The following MIEF2 variants were observed in gnomAD, a reference collection of about 807,000 sequenced individuals.
MIEF2 encodes the protein mitochondrial elongation factor 2.
A neutral mutation model predicts 7.4 loss-of-function variants in MIEF2; 1 was observed. That is an observed-to-expected ratio of 0.14 (90% CI 0.05 to 0.64). The LOEUF is 0.64. Ranked by LOEUF, MIEF2 falls within the 30% of genes least tolerant of loss-of-function variation. The pLI is 0.85. For missense variants in MIEF2, 569 were observed against 623.9 expected (o/e 0.91, Z 0.94); for synonymous variants, 275 against 290.5 (o/e 0.95, Z 0.54).
At chr17:18,262,245 T>C (rs1185996098) in intron 1 of MIEF2, among the ~76,000 whole-genome samples, 1 of 152,160 alleles carries the variant, frequency 6.6e-6, no homozygotes, top group Non-Finnish European at 1.5e-5. Flanking sequence ...TTGGAGACCT[T>C]ACCACTCACT....
At chr17:18,262,980 C>G in intron 2 of MIEF2, 106 bp from the exon 3 acceptor site, 2 of 1,546,232 alleles carry the variant, frequency 1.3e-6, no homozygotes, top group East Asian at 2.3e-5. Flanking sequence ...TTCATGGGAG[C>G]CCAGGGCACC....
chr17:18,262,412 G>T (rs1229429336), intron 1 of MIEF2, among the ~76,000 whole-genome samples: 3 of 152,168 alleles, frequency 2.0e-5, no homozygotes, highest in African/African-American at 7.2e-5. Flanking sequence ...AGGCAGCTTT[G>T]GGAGAAGGGG....
At chr17:18,261,109 A>G (rs1978389970) in intron 1 of MIEF2, 11 of 1,551,356 alleles carry the variant, frequency 7.1e-6, no homozygotes, top group Non-Finnish European at 9.6e-6. Context: ...AAGGCTGTGG[A>G]CTGAGGCCTG....
chr17:18,264,102 C>G lies in MIEF2; in HGVS notation c.703C>G (p.Arg235Gly), dbSNP rs747845745. ...VRRTQLEFCP[R>G]GSSPWDRFLV... ...CAGGACGCAGCTTGAGTTCTGCCCC[C>G]GTGGGAGCAGCCCCTGGGACCGCTT... is the stretch of plus-strand genomic sequence containing the variant. The change falls in exon 4 of 4, where the codon CGT (arginine) becomes GGT (glycine). Residue 235 changes from arginine to glycine, a missense_variant. By Grantham distance (125) the Arg-to-Gly change is moderately radical. Transcript: ENST00000323019. 1.9e-6 allele frequency: 3 copies of G among 1,552,882 alleles called. No individual in the cohort carries two copies. In the African/African-American group the frequency reaches 4.1e-5, roughly 21 times the overall value.
chr17:18,264,784 T>C lies in MIEF2; in HGVS notation c.*20T>C. On this transcript the variant is annotated 3_prime_UTR_variant, in exon 4 of 4. Transcript: ENST00000323019. Reference sequence around the variant, plus strand: ...CTCTAGGTGGGTGGAAACGGGTGGTTGCCATGTTTTCTAATGCTGGGGAGC... The same window carrying C: ...CTCTAGGTGGGTGGAAACGGGTGGTCGCCATGTTTTCTAATGCTGGGGAGC... The C allele has an allele frequency of 6.3e-7, 1 of 1,584,534 alleles. No homozygotes were observed. Among genetic ancestry groups the C allele is most frequent in the Non-Finnish European group, 8.6e-7 (1 of 1,160,930 alleles).
rs749138167 is a variant in MIEF2, at chr17:18,264,049, C to T, written c.650C>T (p.Ala217Val). The T allele has an allele frequency of 4.5e-5, 70 of 1,552,396 alleles. No individual in the cohort carries two copies. In the East Asian group the frequency reaches 1.3e-3, roughly 29 times the overall value. Residue 217 changes from alanine to valine, a missense_variant, in exon 4 of 4, where the codon GCG becomes GTG. Transcript: ENST00000323019. ...WSLVPGVDTV[A>V]RDPRCWAVRR... is the part of the protein sequence containing the mutation. ...CTGGTGCCGGGCGTGGACACTGTGG[C>T]GAGGGACCCTCGCTGCTGGGCCGTG...
Position 18,263,845 on chromosome 17 carries a change from C to T in MIEF2, c.446C>T (p.Ala149Val), listed in dbSNP as rs543796857. ...ATCCCAGCAGCCCAGGTGGCTTTGG[C>T]CAAACAGCTGGCTGGCGACATCGCC... ...VTIPAAQVAL[A>V]KQLAGDIALE... is the part of the protein sequence containing the mutation. The change falls in exon 4 of 4, where the codon GCC (alanine) becomes GTC (valine). Residue 149 changes from alanine (A) to valine (V), a missense_variant. Coordinates refer to ENST00000323019, the MANE Select transcript of MIEF2 (RefSeq NM_139162.4). 4.4e-6 allele frequency: 7 copies of T among 1,606,700 alleles called. No individual in the cohort carries two copies. In the African/African-American group the frequency reaches 5.3e-5, roughly 12 times the overall value.
intron 1 of MIEF2, 28 bp downstream of exon 1, chr17:18,260,765 C>A: frequency 3.6e-6 from 1 of 281,012 alleles, no homozygotes; most frequent in Non-Finnish European, 6.8e-6. Context: ...CGGGGCGGCC[C>A]CCAGGGTCAC....
At chr17:18,261,545 T>C (rs1044389352) in intron 1 of MIEF2, among the ~76,000 whole-genome samples, 1 of 152,166 alleles carries the variant, frequency 6.6e-6, no homozygotes, top group African/African-American at 2.4e-5. Flanking sequence ...ACTGATGTCC[T>C]AAGGTCCCAG....
chr17:18,264,586 C>T lies in MIEF2; in HGVS notation c.1187C>T (p.Ala396Val), dbSNP rs370167745. The T allele has an allele frequency of 2.5e-6, 4 of 1,610,804 alleles. No individual in the cohort carries two copies. Among genetic ancestry groups the T allele is most frequent in the Non-Finnish European group, 3.4e-6 (4 of 1,180,006 alleles). Residue 396 changes from alanine to valine, a missense_variant, in exon 4 of 4, where the codon GCC becomes GTC. Coordinates refer to ENST00000323019, the MANE Select transcript of MIEF2 (RefSeq NM_139162.4). ...GEDNVDWTEE[A>V]LGERFLQALE... ...GACAACGTGGATTGGACGGAGGAGG[C>T]CTTGGGTGAGCGCTTCCTGCAAGCC...
chr17:18,263,244 C>A lies in MIEF2; in HGVS notation c.306C>A (p.Ala102=). The change falls in exon 3 of 4, where the codon GCC becomes GCA. Residue 102 remains alanine, a synonymous_variant. Coordinates refer to ENST00000323019, the MANE Select transcript of MIEF2 (RefSeq NM_139162.4). ...TGCCCTTGGCCCCCTCGTCGTCTGC[C>A]CCAGGTGAGTGGCACTCCTTCCCCT... ...PVLPLAPSSS[A]PEGPAETDPE... The A allele has an allele frequency of 6.2e-7, 1 of 1,613,860 alleles. No homozygotes were observed. The highest frequency in any genetic ancestry group is 8.5e-7 in the Non-Finnish European group (1 of 1,180,040).
chr17:18,262,691 C>T, intron 1 of MIEF2, 23 bp from the exon 2 acceptor site: 1 of 1,566,852 alleles, frequency 6.4e-7, no homozygotes, highest in Non-Finnish European at 8.7e-7. Flanking sequence ...TGAGCTGCCC[C>T]TTCACCCCTG....
chr17:18,262,930 T>A (rs1363845735), intron 2 of MIEF2, 63 bp downstream of exon 2: 5 of 1,512,188 alleles, frequency 3.3e-6, no homozygotes, highest in Non-Finnish European at 4.4e-6. Flanking sequence ...GTTGGGCTTT[T>A]CAGAGGGGCC....
chr17:18,265,203 T>G lies in MIEF2; in HGVS notation c.*439T>G. ...CTAGCTCCAGGCGTTTTGAGGCGTC[T>G]GGTGCCTGATGGTAGGTATGGTGTG... On this transcript the variant is annotated 3_prime_UTR_variant, in exon 4 of 4. Coordinates refer to ENST00000323019, the MANE Select transcript of MIEF2 (RefSeq NM_139162.4). 1 of 164,172 alleles carries G rather than the reference T, an allele frequency of 6.1e-6. No homozygotes were observed. Among genetic ancestry groups the G allele is most frequent in the South Asian group, 1.7e-4 (1 of 6,042 alleles). 10.2% of individuals were successfully genotyped at this position (164,172 alleles called of 1,614,324 possible). A position where few individuals can be genotyped will look rare whatever the true frequency, so the allele number is the denominator to read the frequency against.
chr17:18,263,294 G>A (rs1014192583), intron 3 of MIEF2, 46 bp downstream of exon 3: 6 of 1,612,366 alleles, frequency 3.7e-6, no homozygotes, highest in East Asian at 2.2e-5. Context: ...TTCAAGAGAC[G>A]CAGCCCAGGC....
chr17:18,263,287 A>G, intron 3 of MIEF2, 39 bp downstream of exon 3: 1 of 1,613,168 alleles, frequency 6.2e-7, no homozygotes, highest in Non-Finnish European at 8.5e-7. Flanking sequence ...TGTCACATTC[A>G]AGAGACGCAG....
rs146109824 is a variant in MIEF2 at position 18,263,175 on chromosome 17, C to A, written c.237C>A (p.His79Gln). 1 of 1,613,630 alleles carries A rather than the reference C, an allele frequency of 6.2e-7. No homozygotes were observed. Among genetic ancestry groups the A allele is most frequent in the Non-Finnish European group, 8.5e-7 (1 of 1,180,036 alleles). ...TGAGCCTGCTCAAGGCCACACCACA[C>A]CTGCAGCCCCGGCCTCCACCTGCTG... ...KELSLLKATP[H>Q]LQPRPPPAAL... The change falls in exon 3 of 4, where the codon CAC (histidine) becomes CAA (glutamine). Residue 79 changes from histidine to glutamine, a missense_variant. Physicochemically the swap from His to Gln is conservative, Grantham distance 24 (BLOSUM62 0). Coordinates refer to ENST00000323019, the MANE Select transcript of MIEF2 (RefSeq NM_139162.4).
rs1206027585 is a variant in MIEF2, at chr17:18,265,244, A to G, written c.*480A>G. ...GTATGGTGTGTTTGTTCTGTCCCCC[A>G]GGGGCTGGAGTCACCTGGTGCCCCT... On this transcript the variant is annotated 3_prime_UTR_variant, in exon 4 of 4. Coordinates refer to ENST00000323019, the MANE Select transcript of MIEF2 (RefSeq NM_139162.4). 4 of 155,850 alleles carry G rather than the reference A, an allele frequency of 2.6e-5. No individual in the cohort carries two copies. The allele number at this position is 155,850 out of a possible 1,614,324, so 9.7% of individuals were successfully genotyped here. A position where few individuals can be genotyped will look rare whatever the true frequency, so the allele number is the denominator to read the frequency against.
At chr17:18,262,898 G>A in intron 2 of MIEF2, 31 bp downstream of exon 2, 5 of 1,526,112 alleles carry the variant, frequency 3.3e-6, no homozygotes, top group South Asian at 1.3e-5. Flanking sequence ...CATGCCTGAA[G>A]CTCCTAGAGG....
Sources: gnomAD v4.1 joint callset for allele counts (sites outside exome capture counted in the v4.1 genomes callset) on GRCh38, gnomAD v4.1.1 for gene constraint, MANE v1.5 for transcripts, NCBI Gene and HGNC (gene_info 2026-07-23, HGNC 2026-07-21) for gene names.